LY9: variants seen among roughly 807,000 people sequenced by gnomAD.
LY9 encodes the protein lymphocyte antigen 9.
Under a neutral mutation model 64.6 loss-of-function variants are expected in LY9, and 59 were observed. That is an observed-to-expected ratio of 0.91 (90% CI 0.74 to 1.13). The LOEUF is 1.13. LY9 is among the 50% of genes most tolerant of loss of function. The pLI, the probability that LY9 is intolerant of heterozygous loss-of-function variation, is 0.00. For missense variants in LY9, 789 were observed against 797.2 expected (o/e 0.99, Z 0.12); for synonymous variants, 281 against 308.5 (o/e 0.91, Z 0.93).
At position 160,823,754 on chromosome 1, in the gene LY9, G is replaced by T; in HGVS notation, c.1788G>T (p.Val596=). ...CATATGTCACGGAAGTTGAGTCTGTGGTTGGAGAGAACACCATGTATGCAC... is the reference window on the plus strand; with the variant it reads ...CATATGTCACGGAAGTTGAGTCTGTTGTTGGAGAGAACACCATGTATGCAC... ...VTPYVTEVES[V]VGENTMYAQV... is the part of the protein sequence containing the mutation. Residue 596 remains valine (V), a synonymous_variant, in exon 8 of 10, where the codon GTG becomes GTT. Coordinates refer to ENST00000263285, the MANE Select transcript of LY9 (RefSeq NM_002348.4). 3.1e-6 allele frequency: 5 copies of T among 1,614,124 alleles called. No individual in the cohort carries two copies. Among genetic ancestry groups the T allele is most frequent in the Non-Finnish European group, 4.2e-6 (5 of 1,179,994 alleles).
intron 7 of LY9, 58 bp downstream of exon 7, chr1:160,819,432 T>G: frequency 2.1e-6 from 3 of 1,446,942 alleles, no homozygotes; most frequent in Non-Finnish European, 1.9e-6. Context: ...AGTTCTAAAG[T>G]CTTGCTGCTC....
At position 160,821,167 on chromosome 1, in the gene LY9, A is replaced by AC. The variant is rs1383606888; in HGVS notation, c.1498+1793_1498+1794insC. Among the ~76,000 whole-genome samples, 14 of 151,548 alleles carry AC rather than the reference A, an allele frequency of 9.2e-5. 1 individual carries two copies. Among genetic ancestry groups the AC allele is most frequent in the African/African-American group, 3.4e-4 (14 of 41,314 alleles). ...AAACTTTGCTAAAAAAAAAAAAAAAAAACCATATATTCACATGGCATACAG... is the reference window on the plus strand; with the variant it reads ...AAACTTTGCTAAAAAAAAAAAAAAAACAACCATATATTCACATGGCATACAG... On this transcript the variant is annotated intron_variant, in intron 7 of 9. Coordinates refer to ENST00000263285, the MANE Select transcript of LY9 (RefSeq NM_002348.4).
chr1:160,806,908 C>CATTCTTTTCT (rs1339292803), intron 2 of LY9, among the ~76,000 whole-genome samples: 10 of 152,224 alleles, frequency 6.6e-5, no homozygotes, highest in African/African-American at 2.2e-4. Flanking sequence ...AGGTTTAGCT[C>CATTCTTTTCT]ATTCTTTTTT....
chr1:160,819,938 TA>T (rs1343884960), intron 7 of LY9, among the ~76,000 whole-genome samples: 6 of 151,928 alleles, frequency 3.9e-5, no homozygotes, highest in African/African-American at 1.5e-4. Flanking sequence ...ACAAGATCCA[TA>T]AGTGATTCAT....
At chr1:160,814,824 C>A in intron 4 of LY9, 63 bp downstream of exon 4, 1 of 1,319,450 alleles carries the variant, frequency 7.6e-7, no homozygotes, top group Non-Finnish European at 1.1e-6. Flanking sequence ...TCCTCTGCTG[C>A]CTTCTCCACC....
intron 2 of LY9, among the ~76,000 whole-genome samples, chr1:160,803,508 C>T (rs1221946119): frequency 6.6e-6 from 1 of 152,092 alleles, no homozygotes; most frequent in Non-Finnish European, 1.5e-5. Flanking sequence ...GATCTTTCAC[C>T]TCCTTGGTTA....
chr1:160,816,009 T>G (rs1245750597), intron 4 of LY9, among the ~76,000 whole-genome samples: 1 of 152,232 alleles, frequency 6.6e-6, no homozygotes, highest in African/African-American at 2.4e-5. Context: ...ATCATGGTTT[T>G]GTTAAAATAT....
At position 160,823,557 on chromosome 1, in the gene LY9, C is replaced by T. The variant is rs1340425404; in HGVS notation, c.1591C>T (p.Pro531Ser). The T allele has an allele frequency of 6.2e-7, 1 of 1,614,168 alleles. No individual in the cohort carries two copies. Among genetic ancestry groups the T allele is most frequent in the Non-Finnish European group, 8.5e-7 (1 of 1,180,000 alleles). The part of the protein sequence containing the change: ...PLRPARQQPT[P>S]TSDSSSDSNL... ...CAGGCCTGCCAGGCAACAGCCTACACCCACCTCAGACAGCAGCTCTGACAG... is the reference window on the plus strand; with the variant it reads ...CAGGCCTGCCAGGCAACAGCCTACATCCACCTCAGACAGCAGCTCTGACAG... Residue 531 changes from proline to serine, a missense_variant, in exon 8 of 10, where the codon CCC (proline) becomes TCC (serine). Physicochemically the swap from Pro to Ser is moderately conservative, Grantham distance 74. Coordinates refer to ENST00000263285, the MANE Select transcript of LY9 (RefSeq NM_002348.4).
At chr1:160,807,066 C>T (rs1667052759) in intron 2 of LY9, among the ~76,000 whole-genome samples, 1 of 152,076 alleles carries the variant, frequency 6.6e-6, no homozygotes, top group South Asian at 2.1e-4. Flanking sequence ...TCTTCAATTC[C>T]AGAATTCTAT....
intron 2 of LY9, chr1:160,802,701 A>T (rs771104379): frequency 8.8e-5 from 81 of 915,632 alleles, no homozygotes; most frequent in Middle Eastern, 5.6e-4. Flanking sequence ...TAAAAAAATA[A>T]AAATAAATAA....
chr1:160,823,916 C>T lies in LY9; in HGVS notation c.1830+120C>T, dbSNP rs530318986. On this transcript the variant is annotated intron_variant, in intron 8 of 9. Coordinates refer to ENST00000263285, the MANE Select transcript of LY9 (RefSeq NM_002348.4). ...GCCTGGAAACAGGACTAGGGGCATA[C>T]GGGCAGGGACTCATGGCTGTGTCCA... is the stretch of plus-strand genomic sequence containing the variant. The T allele has an allele frequency of 9.7e-5, 80 of 827,218 alleles. No homozygotes were observed. The African/African-American group carries it at 1.0e-3, about 11-fold the overall frequency. The allele number at this position is 827,218 out of a possible 1,614,324, so 51.2% of individuals were successfully genotyped here.
rs1019438442 is a variant in LY9 at position 160,796,388 on chromosome 1, T to TC, written c.124+78dup. ...CAGTTGCATTCCCTGCCTGGGAGAT[T>TC]CTTTTTTTTGTTTTTTGTTTTTTTT... is the stretch of plus-strand genomic sequence containing the variant. On this transcript the variant is annotated intron_variant, in intron 1 of 9. Transcript: ENST00000263285. 68 of 1,342,252 alleles carry TC rather than the reference T, an allele frequency of 5.1e-5. No individual in the cohort carries two copies. In the African/African-American group the frequency reaches 8.6e-4, roughly 17 times the overall value. 83.1% of individuals were successfully genotyped at this position (1,342,252 alleles called of 1,614,324 possible). A position where few individuals can be genotyped will look rare whatever the true frequency, so the allele number is the denominator to read the frequency against.
At chr1:160,813,401 G>C in intron 2 of LY9, 1 of 558,866 alleles carries the variant, frequency 1.8e-6, no homozygotes. Flanking sequence ...CGGGGAGAGA[G>C]AGAAGTAATC....
intron 4 of LY9, chr1:160,815,049 G>A: frequency 2.5e-6 from 1 of 405,220 alleles, no homozygotes; most frequent in East Asian, 4.1e-5. Context: ...AGTGTCAGAA[G>A]GGACTAGGAG....
intron 2 of LY9, 111 bp from the exon 3 acceptor site, chr1:160,813,525 G>A (rs146543673): frequency 2.6e-5 from 27 of 1,055,554 alleles, no homozygotes; most frequent in African/African-American, 1.6e-4. Flanking sequence ...GACAGGTAAC[G>A]CTGGCCTCTC....
chr1:160,800,286 T>TATC (rs1259546710), intron 2 of LY9: 9 of 555,554 alleles, frequency 1.6e-5, no homozygotes, highest in Non-Finnish European at 2.9e-5. Flanking sequence ...TGATTTTCTC[T>TATC]ATCTTACTGT....
intron 2 of LY9, among the ~76,000 whole-genome samples, chr1:160,808,031 G>A (rs1027556046): frequency 6.6e-6 from 1 of 152,128 alleles, no homozygotes; most frequent in African/African-American, 2.4e-5. Flanking sequence ...AGAAGGTGAG[G>A]CCAGGTTCAG....
chr1:160,808,361 C>A lies in LY9; in HGVS notation c.455-5275C>A, dbSNP rs542344384. On this transcript the variant is annotated intron_variant, in intron 2 of 9. Transcript: ENST00000263285. ...CCAGCACTGTTGGGCCCCAGGACAGCGTGCATTCTGCCAAAGGCTCAGTTT... is the reference window on the plus strand; with the variant it reads ...CCAGCACTGTTGGGCCCCAGGACAGAGTGCATTCTGCCAAAGGCTCAGTTT... Among the ~76,000 whole-genome samples the A allele has an allele frequency of 4.6e-5, 7 of 152,332 alleles. No individual in the cohort carries two copies. In the East Asian group the frequency reaches 7.7e-4, roughly 17 times the overall value.
intron 2 of LY9, among the ~76,000 whole-genome samples, chr1:160,808,268 T>A (rs1230391728): frequency 1.3e-5 from 2 of 152,140 alleles, no homozygotes; most frequent in Non-Finnish European, 2.9e-5. Context: ...TAGCTCTACC[T>A]GCAGAGTGCT....
Sources: allele counts gnomAD v4.1 joint callset (sites outside exome capture counted in the v4.1 genomes callset), GRCh38; gene constraint gnomAD v4.1.1; transcripts MANE v1.5; gene names NCBI Gene and HGNC (gene_info 2026-07-23, HGNC 2026-07-21).